RSU1: variants seen among roughly 807,000 people sequenced by gnomAD.
RSU1 encodes rsu-1.
RSU1 carries 26 observed loss-of-function variants against 31.1 expected under a neutral mutation model. The ratio of observed to expected loss-of-function variants is 0.84; its 90% CI spans 0.61 to 1.16. RSU1 has a LOEUF of 1.16. RSU1 is among the 50% of genes most tolerant of loss of function. RSU1 has a pLI of 0.00. For missense variants in RSU1, 320 were observed against 339.1 expected, an observed-to-expected ratio of 0.94 and a Z score of 0.44; for synonymous variants, 164 against 136.3, an observed-to-expected ratio of 1.20 and a Z score of -1.41.
At chr10:16,613,798 TAA>T (rs778805311) in intron 8 of RSU1, among the ~76,000 whole-genome samples, 4 of 136,480 alleles carry the variant, frequency 2.9e-5, no homozygotes, top group Admixed American at 1.5e-4. Context: ...TACAGCTCTT[TAA>T]AAAAAAAAAA....
chr10:16,654,619 A>C (rs1834742539), intron 8 of RSU1, among the ~76,000 whole-genome samples: 1 of 151,560 alleles, frequency 6.6e-6, no homozygotes, highest in Non-Finnish European at 1.5e-5. Flanking sequence ...GCAGTGAGGC[A>C]GACTGCACCA....
In RSU1 at chr10:16,652,277, CT is replaced by C. The variant is rs565466113; in HGVS notation, c.731+42745del. ...AATTCTCATAGAAAAAGAAAGCAAA[CT>C]TTTTCCTCTTCAAGAAGCATGTCAT... On this transcript the variant is annotated intron_variant, in intron 8 of 8. Coordinates refer to ENST00000345264, the MANE Select transcript of RSU1 (RefSeq NM_012425.4). Among the ~76,000 whole-genome samples the C allele has an allele frequency of 2.7e-3, 409 of 149,900 alleles. 1 individual carries two copies. Among genetic ancestry groups the C allele is most frequent in the African/African-American group, 9.5e-3 (390 of 40,932 alleles).
chr10:16,768,500 T>C (rs1266819881), intron 3 of RSU1, among the ~76,000 whole-genome samples: 1 of 127,566 alleles, frequency 7.8e-6, no homozygotes, highest in Non-Finnish European at 1.6e-5. Flanking sequence ...CCCAGAGGAC[T>C]CAGATATCCC....
chr10:16,725,629 T>G (rs1836378103), intron 7 of RSU1, among the ~76,000 whole-genome samples: 1 of 151,776 alleles, frequency 6.6e-6, no homozygotes, highest in Non-Finnish European at 1.5e-5. Flanking sequence ...TTCTGCCTTC[T>G]GTCATGGGAG....
intron 7 of RSU1, among the ~76,000 whole-genome samples, chr10:16,697,405 C>G (rs1176941529): frequency 6.6e-6 from 1 of 152,070 alleles, no homozygotes. Context: ...GCCTATAATG[C>G]CAGCACTTTG....
chr10:16,766,954 G>T (rs1837325895), intron 3 of RSU1, among the ~76,000 whole-genome samples: 2 of 151,752 alleles, frequency 1.3e-5, no homozygotes, highest in African/African-American at 4.8e-5. Flanking sequence ...CTGGGAAGCA[G>T]AGGTTGCAGT....
chr10:16,633,567 A>G (rs1339529488), intron 8 of RSU1, among the ~76,000 whole-genome samples: 1 of 152,070 alleles, frequency 6.6e-6, no homozygotes, highest in African/African-American at 2.4e-5. Context: ...TCCTCAAGGA[A>G]TGTTCTGGAA....
intron 8 of RSU1, 127 bp downstream of exon 8, chr10:16,694,896 A>G (rs2131562445): frequency 1.1e-6 from 1 of 893,288 alleles, no homozygotes. Flanking sequence ...AGTTTTTAAT[A>G]AAACATCTTA....
At chr10:16,665,141 G>A (rs151179965) in intron 8 of RSU1, among the ~76,000 whole-genome samples, 3,286 of 152,014 alleles carry the variant, frequency 0.022, 50 homozygotes, top group Non-Finnish European at 0.033. Flanking sequence ...ATGGGGTTTC[G>A]TCATGTTGGC....
chr10:16,817,034 G>C lies in RSU1; in HGVS notation c.48C>G (p.Asn16Lys), dbSNP rs1275734548. Residue 16 changes from asparagine to lysine, a missense_variant, in exon 2 of 9, where the codon AAC (asparagine) becomes AAG (lysine). Asn to Lys is a moderately conservative substitution (Grantham distance 94). Coordinates refer to ENST00000345264, the MANE Select transcript of RSU1 (RefSeq NM_012425.4). ...GGTCACTCATGTCCACCTCGGGCTG[G>C]TTCTTCTCCCGGCTCTCCTCCACCA... ...KKLVEESREK[N>K]QPEVDMSDRG... 4 of 1,614,250 alleles carry C rather than the reference G, an allele frequency of 2.5e-6. No homozygotes were observed. Among genetic ancestry groups the C allele is most frequent in the Non-Finnish European group, 3.4e-6 (4 of 1,180,042 alleles).
At chr10:16,605,178 T>C (rs961863825) in intron 8 of RSU1, among the ~76,000 whole-genome samples, 1 of 152,222 alleles carries the variant, frequency 6.6e-6, no homozygotes, top group Non-Finnish European at 1.5e-5. Context: ...CTGGTCTTGA[T>C]GAATACGTCA....
chr10:16,754,064 C>T (rs1430677867), intron 5 of RSU1, among the ~76,000 whole-genome samples: 1 of 152,140 alleles, frequency 6.6e-6, no homozygotes, highest in African/African-American at 2.4e-5. Context: ...AGTTGCTCCA[C>T]TGCCCAAGAA....
chr10:16,814,280 G>C (rs1838475261), intron 2 of RSU1, among the ~76,000 whole-genome samples: 1 of 151,694 alleles, frequency 6.6e-6, no homozygotes, highest in Non-Finnish European at 1.5e-5. Context: ...TCTCTACAAA[G>C]AAATAAAAAA....
chr10:16,603,039 G>GT (rs201872520), intron 8 of RSU1, among the ~76,000 whole-genome samples: 48 of 151,324 alleles, frequency 3.2e-4, no homozygotes, highest in Middle Eastern at 3.4e-3. Flanking sequence ...AAAAGGAAAT[G>GT]TTTTTTTTTC....
At chr10:16,749,284 CCT>C (rs1836924895) in intron 7 of RSU1, among the ~76,000 whole-genome samples, 2 of 152,126 alleles carry the variant, frequency 1.3e-5, no homozygotes, top group Non-Finnish European at 2.9e-5. Flanking sequence ...CAGCCAAGCC[CCT>C]GACTTTATTT....
At chr10:16,766,133 G>A (rs756058256) in intron 3 of RSU1, among the ~76,000 whole-genome samples, 47 of 152,356 alleles carry the variant, frequency 3.1e-4, no homozygotes, top group Non-Finnish European at 6.6e-4. Flanking sequence ...AAGGGACTGT[G>A]AAGAATACAG....
intron 8 of RSU1, among the ~76,000 whole-genome samples, chr10:16,620,811 C>G (rs1056717738): frequency 1.1e-4 from 17 of 151,206 alleles, no homozygotes; most frequent in African/African-American, 3.7e-4. Flanking sequence ...CGCCACTGCA[C>G]TCCAGCCTGG....
At chr10:16,803,805 C>T (rs1175196841) in intron 2 of RSU1, among the ~76,000 whole-genome samples, 1 of 152,116 alleles carries the variant, frequency 6.6e-6, no homozygotes, top group African/African-American at 2.4e-5. Flanking sequence ...TAGACAAAGA[C>T]CTAACATCGT....
intron 2 of RSU1, among the ~76,000 whole-genome samples, chr10:16,793,644 T>C (rs762134560): frequency 3.9e-5 from 6 of 152,072 alleles, no homozygotes; most frequent in South Asian, 2.1e-4. Context: ...ACCTAAGATA[T>C]GCAGTCACTG....
Sources: gnomAD v4.1 joint callset for allele counts (sites outside exome capture counted in the v4.1 genomes callset) on GRCh38, gnomAD v4.1.1 for gene constraint, MANE v1.5 for transcripts, NCBI Gene and HGNC (gene_info 2026-07-23, HGNC 2026-07-21) for gene names.